The following AUTS2 variants were observed in gnomAD, a reference collection of about 807,000 sequenced individuals.
AUTS2 encodes activator of transcription and developmental regulator AUTS2.
Under a neutral mutation model 112.4 loss-of-function variants are expected in AUTS2, and 17 were observed. That is an observed-to-expected ratio of 0.15 (90% CI 0.10 to 0.23). The LOEUF (loss-of-function observed/expected upper bound fraction) is 0.23. Ranked by LOEUF, AUTS2 falls within the 10% of genes least tolerant of loss-of-function variation. The probability of loss-of-function intolerance (pLI) is 1.00; values close to 1 mark genes in which losing one functional copy is unlikely to be tolerated. For synonymous variants in AUTS2, 751 were observed against 702.7 expected, an observed-to-expected ratio of 1.07 and a Z score of -1.09; for missense variants, 1,510 against 1,701.6, an observed-to-expected ratio of 0.89 and a Z score of 1.98.
intron 4 of AUTS2, among the ~76,000 whole-genome samples, chr7:70,189,216 A>G (rs1462253292): frequency 6.6e-6 from 1 of 152,202 alleles, no homozygotes; most frequent in African/African-American, 2.4e-5. Flanking sequence ...ATGTAAATCA[A>G]GATCTGAGGA....
intron 4 of AUTS2, among the ~76,000 whole-genome samples, chr7:70,134,850 A>G (rs1288951165): frequency 1.3e-5 from 2 of 152,140 alleles, no homozygotes; most frequent in Non-Finnish European, 2.9e-5. Flanking sequence ...GGGAACCCTG[A>G]TTAGCTCATG....
intron 2 of AUTS2, among the ~76,000 whole-genome samples, chr7:69,949,756 T>A (rs1796955440): frequency 6.6e-6 from 1 of 152,194 alleles, no homozygotes; most frequent in African/African-American, 2.4e-5. Context: ...TAGCACCTGG[T>A]TGTAGCCTGG....
chr7:70,672,808 G>A (rs1214758313), intron 5 of AUTS2, among the ~76,000 whole-genome samples: 1 of 152,004 alleles, frequency 6.6e-6, no homozygotes, highest in Non-Finnish European at 1.5e-5. Context: ...TCACCATGTT[G>A]GCCAGGATGG....
rs528060431 is a variant in AUTS2 at position 70,310,486 on chromosome 7, G to A, written c.661-125266G>A. 4.9e-3 allele frequency among the ~76,000 whole-genome samples: 747 copies of A among 152,112 alleles called. 4 individuals are homozygous for A. Among genetic ancestry groups the A allele is most frequent in the Non-Finnish European group, 5.5e-3 (376 of 67,970 alleles). ...AAATTAGCTGGGCGTGGTGGTGGGCGCCTGTAGTCCCAGCTACTTGGGAGG... is the reference window on the plus strand; with the variant it reads ...AAATTAGCTGGGCGTGGTGGTGGGCACCTGTAGTCCCAGCTACTTGGGAGG... On this transcript the variant is annotated intron_variant, in intron 4 of 18. Transcript: ENST00000342771.
intron 4 of AUTS2, among the ~76,000 whole-genome samples, chr7:70,149,197 C>A (rs1807294664): frequency 6.6e-6 from 1 of 151,870 alleles, no homozygotes; most frequent in Non-Finnish European, 1.5e-5. Flanking sequence ...TTTTAAGTTC[C>A]AATTTTTAAT....
At chr7:70,489,566 A>G (rs1002131822) in intron 5 of AUTS2, among the ~76,000 whole-genome samples, 1 of 152,234 alleles carries the variant, frequency 6.6e-6, no homozygotes, top group Non-Finnish European at 1.5e-5. Context: ...TTAGTGACGT[A>G]GAGATTTATA....
chr7:70,213,525 C>G (rs967989103), intron 4 of AUTS2, among the ~76,000 whole-genome samples: 7 of 140,970 alleles, frequency 5.0e-5, no homozygotes, highest in Non-Finnish European at 1.1e-4. Context: ...GACAGAGCAG[C>G]AAGACCCTGT....
intron 2 of AUTS2, among the ~76,000 whole-genome samples, chr7:69,908,138 A>T (rs1219716288): frequency 6.6e-6 from 1 of 152,104 alleles, no homozygotes; most frequent in Non-Finnish European, 1.5e-5. Context: ...ACTATCTGGG[A>T]CAAAACCGTG....
At chr7:70,441,987 CA>C (rs1218175062) in intron 5 of AUTS2, among the ~76,000 whole-genome samples, 21 of 152,252 alleles carry the variant, frequency 1.4e-4, no homozygotes, top group African/African-American at 4.8e-4. Flanking sequence ...AGAAGGCCCT[CA>C]TTGTTGCTTG....
chr7:70,303,434 G>GCGCGCGCACACACACACACA (rs1241517255), intron 4 of AUTS2, among the ~76,000 whole-genome samples: 5 of 141,948 alleles, frequency 3.5e-5, no homozygotes, highest in African/African-American at 5.3e-5. Context: ...GCGCGCGCGC[G>GCGCGCGCACACACACACACA]CACATACACA....
chr7:69,716,108 T>G (rs1584122462), intron 1 of AUTS2, among the ~76,000 whole-genome samples: 1 of 152,154 alleles, frequency 6.6e-6, no homozygotes, highest in South Asian at 2.1e-4. Context: ...TTTTTGGTTT[T>G]AGAAATAAGG....
At chr7:70,327,486 A>T (rs1790545093) in intron 4 of AUTS2, among the ~76,000 whole-genome samples, 1 of 152,244 alleles carries the variant, frequency 6.6e-6, no homozygotes, top group African/African-American at 2.4e-5. Context: ...TTCCAAAGAA[A>T]TTTGCCTTGA....
chr7:69,641,604 A>G (rs1192077064), intron 1 of AUTS2, among the ~76,000 whole-genome samples: 1 of 152,226 alleles, frequency 6.6e-6, no homozygotes, highest in African/African-American at 2.4e-5. Flanking sequence ...TTCAGTAAAT[A>G]AAATTATGTT....
intron 1 of AUTS2, among the ~76,000 whole-genome samples, chr7:69,827,983 T>G (rs1016034318): frequency 1.3e-5 from 2 of 152,246 alleles, no homozygotes; most frequent in African/African-American, 4.8e-5. Flanking sequence ...CAAATCACAT[T>G]ACATAATACA....
At chr7:70,096,735 T>TTC (rs35883265) in intron 2 of AUTS2, among the ~76,000 whole-genome samples, 51,581 of 151,896 alleles carry the variant, frequency 0.34, 8,951 homozygotes, top group African/African-American at 0.39. Context: ...GCCAACTGTG[T>TTC]TGTCTTAAAC....
chr7:69,856,522 A>G (rs1792729849), intron 1 of AUTS2, among the ~76,000 whole-genome samples: 1 of 152,036 alleles, frequency 6.6e-6, no homozygotes, highest in Non-Finnish European at 1.5e-5. Context: ...TAAACAGGAG[A>G]TCTTTTAGAC....
Position 70,485,674 on chromosome 7 carries a change from G to A in AUTS2, c.690+49893G>A, listed in dbSNP as rs189276360. ...AAAAAAAAAGTATCTCTGGTTTCAC[G>A]AGACTCATATGTGTGTTTCCTCAAA... is the stretch of plus-strand genomic sequence containing the variant. On this transcript the variant is annotated intron_variant, in intron 5 of 18. Transcript: ENST00000342771. 2.5e-4 allele frequency among the ~76,000 whole-genome samples: 38 copies of A among 151,708 alleles called. No homozygotes were observed. The East Asian group carries it at 4.4e-3, about 18-fold the overall frequency.
At chr7:70,538,827 G>T (rs375697892) in intron 5 of AUTS2, among the ~76,000 whole-genome samples, 1 of 152,140 alleles carries the variant, frequency 6.6e-6, no homozygotes, top group Non-Finnish European at 1.5e-5. Flanking sequence ...TCATAGATAT[G>T]TTCTTTTCGT....
intron 2 of AUTS2, among the ~76,000 whole-genome samples, chr7:70,015,175 A>G (rs1253617282): frequency 1.3e-5 from 2 of 152,218 alleles, no homozygotes; most frequent in Admixed American, 6.5e-5. Context: ...TTTAAAAACA[A>G]CAGCCAAGTA....
Sources: gnomAD v4.1 joint callset for allele counts (sites outside exome capture counted in the v4.1 genomes callset) on GRCh38, gnomAD v4.1.1 for gene constraint, MANE v1.5 for transcripts, NCBI Gene and HGNC (gene_info 2026-07-23, HGNC 2026-07-21) for gene names.